Variants in PDE4B observed in about 807,000 individuals in gnomAD.
The protein encoded by PDE4B is phosphodiesterase 4B.
A neutral mutation model predicts 82.2 loss-of-function variants in PDE4B; 20 were observed. The observed-to-expected ratio is 0.24, with a 90% CI of 0.17 to 0.35. The LOEUF is 0.35. Among genes scored for constraint, PDE4B ranks in the 10% least tolerant of loss-of-function variants. PDE4B has a pLI of 1.00. For missense variants in PDE4B, 655 were observed against 907.2 expected (o/e 0.72, Z 3.57); for synonymous variants, 320 against 318.9 (o/e 1.00, Z -0.04).
chr1:65,993,255 A>C (rs761309970), intron 3 of PDE4B: 1 of 748,922 alleles, frequency 1.3e-6, no homozygotes, highest in Non-Finnish European at 2.1e-6. Context: ...AACATACTGC[A>C]AGTGTGAAAT....
intron 3 of PDE4B, among the ~76,000 whole-genome samples, chr1:66,036,152 C>T (rs1654048276): frequency 6.6e-6 from 1 of 152,180 alleles, no homozygotes; most frequent in African/African-American, 2.4e-5. Flanking sequence ...ATTCAAATTC[C>T]TTGCCCATTT....
At chr1:66,230,835 C>T (rs1651889797) in intron 3 of PDE4B, among the ~76,000 whole-genome samples, 1 of 152,102 alleles carries the variant, frequency 6.6e-6, no homozygotes. Context: ...ATCACGAGGT[C>T]AGGAGTTTGA....
At chr1:65,825,705 C>CCTAT (rs57327589) in intron 1 of PDE4B, among the ~76,000 whole-genome samples, 7,830 of 107,104 alleles carry the variant, frequency 0.073, 323 homozygotes, top group East Asian at 0.21. Flanking sequence ...AACAAAATTA[C>CCTAT]CTATCTATCT....
At chr1:66,321,023 G>T (rs1659364853) in intron 7 of PDE4B, among the ~76,000 whole-genome samples, 1 of 152,138 alleles carries the variant, frequency 6.6e-6, no homozygotes, top group Non-Finnish European at 1.5e-5. Flanking sequence ...TTGAGGAAAG[G>T]AGCCATTTAA....
intron 7 of PDE4B, among the ~76,000 whole-genome samples, chr1:66,285,323 C>T (rs1328925948): frequency 6.6e-6 from 1 of 152,034 alleles, no homozygotes; most frequent in Admixed American, 6.6e-5. Context: ...TTATTAGCAG[C>T]ATTATTTATT....
intron 3 of PDE4B, among the ~76,000 whole-genome samples, chr1:66,113,449 CT>C (rs1450998830): frequency 2.0e-5 from 3 of 151,990 alleles, no homozygotes; most frequent in Non-Finnish European, 4.4e-5. Context: ...AATACAAGAT[CT>C]TGTTATTTTC....
At chr1:66,212,532 C>T (rs980950984) in intron 3 of PDE4B, among the ~76,000 whole-genome samples, 4 of 152,130 alleles carry the variant, frequency 2.6e-5, no homozygotes, top group African/African-American at 9.7e-5. Flanking sequence ...CTACACTACT[C>T]GTTTTACTTT....
At chr1:65,903,809 C>A (rs932372310) in intron 1 of PDE4B, among the ~76,000 whole-genome samples, 7 of 152,202 alleles carry the variant, frequency 4.6e-5, no homozygotes, top group African/African-American at 1.2e-4. Flanking sequence ...ACCTGAATCC[C>A]CTGACATTTT....
chr1:66,197,268 AT>A (rs1454896775), intron 3 of PDE4B, among the ~76,000 whole-genome samples: 1 of 152,004 alleles, frequency 6.6e-6, no homozygotes, highest in Admixed American at 6.6e-5. Context: ...CATACATTTT[AT>A]TTTTTTCTCC....
intron 7 of PDE4B, among the ~76,000 whole-genome samples, chr1:66,271,948 G>A (rs910751069): frequency 2.0e-5 from 3 of 152,270 alleles, no homozygotes; most frequent in East Asian, 3.9e-4. Flanking sequence ...GTGGCATGTC[G>A]CTGCATCCCC....
At chr1:66,055,365 A>G (rs1655242339) in intron 3 of PDE4B, among the ~76,000 whole-genome samples, 1 of 152,248 alleles carries the variant, frequency 6.6e-6, no homozygotes, top group Non-Finnish European at 1.5e-5. Context: ...TGGCTAGCCA[A>G]ACTTACCATG....
At chr1:66,122,059 A>C (rs983220317) in intron 3 of PDE4B, among the ~76,000 whole-genome samples, 1 of 151,938 alleles carries the variant, frequency 6.6e-6, no homozygotes. Context: ...TCATCTTTAT[A>C]ATAAAGCAGT....
chr1:66,096,262 T>C (rs1284359135), intron 3 of PDE4B, among the ~76,000 whole-genome samples: 10 of 151,712 alleles, frequency 6.6e-5, no homozygotes, highest in Non-Finnish European at 1.5e-4. Context: ...AGTGAGAACA[T>C]GCAGTTTTTA....
chr1:66,017,466 T>C (rs1652843312), intron 3 of PDE4B, among the ~76,000 whole-genome samples: 1 of 152,230 alleles, frequency 6.6e-6, no homozygotes, highest in African/African-American at 2.4e-5. Context: ...GCCAGTAGCC[T>C]TTCAATTTAT....
intron 2 of PDE4B, among the ~76,000 whole-genome samples, chr1:65,916,307 T>G (rs552515979): frequency 6.6e-6 from 1 of 152,264 alleles, no homozygotes; most frequent in African/African-American, 2.4e-5. Flanking sequence ...GTGGGAAATA[T>G]TTTGTGATAG....
chr1:66,285,855 G>A (rs1656640990), intron 7 of PDE4B, among the ~76,000 whole-genome samples: 1 of 152,058 alleles, frequency 6.6e-6, no homozygotes, highest in African/African-American at 2.4e-5. Flanking sequence ...AAGAACCAAA[G>A]GTGTTGACAA....
At chr1:66,087,934 G>T (rs1288367878) in intron 3 of PDE4B, among the ~76,000 whole-genome samples, 1 of 150,852 alleles carries the variant, frequency 6.6e-6, no homozygotes, top group African/African-American at 2.4e-5. Flanking sequence ...CGAGTTAGTG[G>T]GTGCAGCACA....
intron 1 of PDE4B, among the ~76,000 whole-genome samples, chr1:65,801,190 G>A (rs1645690990): frequency 6.6e-6 from 1 of 152,148 alleles, no homozygotes; most frequent in African/African-American, 2.4e-5. Context: ...TTGCAAGGAT[G>A]AGGAATAAAT....
chr1:65,845,896 G>A (rs1646263063), intron 1 of PDE4B, among the ~76,000 whole-genome samples: 1 of 152,158 alleles, frequency 6.6e-6, no homozygotes, highest in South Asian at 2.1e-4. Flanking sequence ...CAGTCCCTAT[G>A]CAGGGGCTTA....
Sources: gnomAD v4.1 joint callset for allele counts (sites outside exome capture counted in the v4.1 genomes callset) on GRCh38, gnomAD v4.1.1 for gene constraint, MANE v1.5 for transcripts, NCBI Gene and HGNC (gene_info 2026-07-23, HGNC 2026-07-21) for gene names.